Variants in PRELID2 observed in about 807,000 individuals in gnomAD.
The protein encoded by PRELID2 is PRELI domain containing 2.
In PRELID2, 25 loss-of-function variants were observed where a neutral mutation model predicts 28.4. The ratio of observed to expected loss-of-function variants is 0.88; its 90% confidence interval spans 0.64 to 1.23. The LOEUF (loss-of-function observed/expected upper bound fraction) is 1.23, where lower values mean the gene tolerates loss of function less well. PRELID2 is among the 50% of genes most tolerant of loss of function. PRELID2 has a pLI of 0.00. For synonymous variants in PRELID2, 76 were observed against 71.6 expected, an observed-to-expected ratio of 1.06 and a Z score of -0.31; for missense variants, 201 against 214.4, an observed-to-expected ratio of 0.94 and a Z score of 0.39.
chr5:145,331,679 T>C, the PRELID2 span, among the ~76,000 whole-genome samples: 1 of 152,034 alleles, frequency 6.6e-6, no homozygotes, highest in Non-Finnish European at 1.5e-5. Flanking sequence ...ATGTGAGATA[T>C]GTCTCCTGAA....
intron 1 of PRELID2, among the ~76,000 whole-genome samples, chr5:145,566,759 G>A (rs952940862): frequency 2.0e-5 from 3 of 149,600 alleles, no homozygotes; most frequent in Admixed American, 1.3e-4. Flanking sequence ...AGAATCTCCT[G>A]AACCTGGGAG....
the PRELID2 span, among the ~76,000 whole-genome samples, chr5:145,459,987 T>G: frequency 6.6e-6 from 1 of 151,992 alleles, no homozygotes; most frequent in African/African-American, 2.4e-5. Context: ...ATTTTTGTAT[T>G]TTTAGTAGAG....
chr5:145,815,782 C>T (rs1754260141), intron 4 of PRELID2, among the ~76,000 whole-genome samples: 1 of 152,200 alleles, frequency 6.6e-6, no homozygotes, highest in Non-Finnish European at 1.5e-5. Flanking sequence ...TTTGTGGATA[C>T]ATTACATTGG....
intron 1 of PRELID2, among the ~76,000 whole-genome samples, chr5:145,646,900 G>A (rs935475928): frequency 4.6e-5 from 7 of 152,072 alleles, no homozygotes; most frequent in East Asian, 1.9e-4. Flanking sequence ...AGCTTTGTCC[G>A]GAATGGCACC....
intron 1 of PRELID2, among the ~76,000 whole-genome samples, chr5:145,824,881 A>G (rs1463314586): frequency 6.6e-6 from 1 of 152,090 alleles, no homozygotes; most frequent in East Asian, 1.9e-4. Flanking sequence ...CTTGGTTTTT[A>G]AAAATCTATT....
chr5:145,823,069 G>C lies in PRELID2; in HGVS notation c.133+8C>G. ...ATCATTACTGAAAAAACTGTACAGA[G>C]AACTTACCTCTTTTTTCCTCCATGA... On this transcript the variant is annotated splice_region_variant and intron_variant, in intron 2 of 6. Transcript: ENST00000683046. 1 of 1,451,462 alleles carries C rather than the reference G, an allele frequency of 6.9e-7. No homozygotes were observed. The highest frequency in any genetic ancestry group is 9.7e-7 in the Non-Finnish European group (1 of 1,032,262). 89.9% of individuals were successfully genotyped at this position (1,451,462 alleles called of 1,614,324 possible). A position where few individuals can be genotyped will look rare whatever the true frequency, so the allele number is the denominator to read the frequency against.
chr5:145,254,916 TA>T, the PRELID2 span, among the ~76,000 whole-genome samples: 4,273 of 138,590 alleles, frequency 0.031, 66 homozygotes, highest in Non-Finnish European at 0.033. Flanking sequence ...AACTCTGAAT[TA>T]AAAAAAAAAA....
chr5:145,290,606 TGGGGGAG>T, the PRELID2 span, among the ~76,000 whole-genome samples: 1 of 44,260 alleles, frequency 2.3e-5, no homozygotes, highest in Admixed American at 3.0e-4. Context: ...GTCATGCGGT[TGGGGGAG>T]GGGGGAGGGA....
chr5:145,576,351 T>C (rs757213026), intron 1 of PRELID2, among the ~76,000 whole-genome samples: 1 of 152,166 alleles, frequency 6.6e-6, no homozygotes, highest in Non-Finnish European at 1.5e-5. Context: ...GGACAGTTTA[T>C]ATTAATGGAC....
chr5:145,649,603 T>C (rs1754255055), intron 1 of PRELID2, among the ~76,000 whole-genome samples: 2 of 152,232 alleles, frequency 1.3e-5, no homozygotes. Flanking sequence ...CATCCTTTTC[T>C]TTCTCCACAC....
the PRELID2 span, among the ~76,000 whole-genome samples, chr5:145,246,169 T>C: frequency 2.0e-5 from 3 of 152,102 alleles, no homozygotes; most frequent in African/African-American, 7.2e-5. Flanking sequence ...TCCTAATTAA[T>C]GTCACGTGTC....
chr5:145,699,685 A>C (rs944195666), intron 1 of PRELID2, among the ~76,000 whole-genome samples: 1 of 152,194 alleles, frequency 6.6e-6, no homozygotes, highest in African/African-American at 2.4e-5. Context: ...AAGATTTCCA[A>C]ATCCAAAGAG....
chr5:145,741,438 AATTT>A (rs1400849788), intron 1 of PRELID2, among the ~76,000 whole-genome samples: 7 of 109,166 alleles, frequency 6.4e-5, no homozygotes, highest in African/African-American at 1.2e-4. Flanking sequence ...ATATAAACAA[AATTT>A]ATTTATAAAT....
In PRELID2 at chr5:145,835,269, C is replaced by A. The variant is rs772347913; in HGVS notation, c.-18G>T. 6.5e-7 allele frequency: 1 copy of A among 1,534,956 alleles called. No individual in the cohort carries two copies. The highest frequency in any genetic ancestry group is 8.8e-7 in the Non-Finnish European group (1 of 1,134,496). On this transcript the variant is annotated 5_prime_UTR_variant, in exon 1 of 7. Transcript: ENST00000683046. ...ACCCCCATCCCCGCGCGCCGCGGGC[C>A]CCGCGCACCGGCCACGCCTCCGCGA...
chr5:145,337,383 G>T, the PRELID2 span, among the ~76,000 whole-genome samples: 1 of 151,566 alleles, frequency 6.6e-6, no homozygotes, highest in African/African-American at 2.4e-5. Context: ...ACACCAGCTT[G>T]GTGTCCTGTA....
chr5:145,259,231 G>A, the PRELID2 span, among the ~76,000 whole-genome samples: 15 of 152,190 alleles, frequency 9.9e-5, no homozygotes, highest in Non-Finnish European at 2.2e-4. Context: ...GCAGTGAAGA[G>A]GGGAAATATG....
At chr5:145,809,331 C>T (rs946219571) in intron 4 of PRELID2, among the ~76,000 whole-genome samples, 14 of 151,862 alleles carry the variant, frequency 9.2e-5, no homozygotes, top group Non-Finnish European at 1.9e-4. Flanking sequence ...CATGAGCCAC[C>T]GTGCCCGGCC....
rs72811541 is a variant in PRELID2, at chr5:145,599,158, C to T, written n.71-125843G>A. ...AGTAATTGCTGCCATAAATCTACACCTTAGTAGTAAGTATTTATTGACAGA... is the reference window on the plus strand; with the variant it reads ...AGTAATTGCTGCCATAAATCTACACTTTAGTAGTAAGTATTTATTGACAGA... On this transcript the variant is annotated intron_variant and non_coding_transcript_variant, in intron 1 of 2. Transcript: ENST00000510259. 7.0e-3 allele frequency among the ~76,000 whole-genome samples: 1,061 copies of T among 152,268 alleles called. 5 individuals carry two copies. The highest frequency in any genetic ancestry group is 0.012 in the Non-Finnish European group (791 of 68,002).
At chr5:145,279,960 T>A in the PRELID2 span, among the ~76,000 whole-genome samples, 1 of 152,142 alleles carries the variant, frequency 6.6e-6, no homozygotes, top group Non-Finnish European at 1.5e-5. Flanking sequence ...GTTGCTGCCC[T>A]CTTGTATCTC....
Sources: allele counts gnomAD v4.1 joint callset (sites outside exome capture counted in the v4.1 genomes callset), GRCh38; gene constraint gnomAD v4.1.1; transcripts MANE v1.5; gene names NCBI Gene and HGNC (gene_info 2026-07-23, HGNC 2026-07-21).